The following CPA6 variants were observed in gnomAD, a reference collection of about 807,000 sequenced individuals.
CPA6 encodes carboxypeptidase A6.
CPA6 carries 58 observed loss-of-function variants against 63.3 expected under a neutral mutation model. The observed-to-expected ratio is 0.92, with a 90% CI of 0.74 to 1.14. The LOEUF is 1.14. CPA6 is among the 50% of genes most tolerant of loss of function. The pLI, the probability that CPA6 is intolerant of heterozygous loss-of-function variation, is 0.00. For missense variants in CPA6, 565 were observed against 526.6 expected (o/e 1.07, Z -0.71); for synonymous variants, 185 against 179.0 (o/e 1.03, Z -0.27).
At chr8:67,722,030 C>T (rs570285262) in intron 1 of CPA6, among the ~76,000 whole-genome samples, 11 of 152,312 alleles carry the variant, frequency 7.2e-5, no homozygotes, top group African/African-American at 2.6e-4. Flanking sequence ...TTCTGTACCT[C>T]ACTTACATTT....
intron 2 of CPA6, among the ~76,000 whole-genome samples, chr8:67,548,219 T>TCTCTCCTCCCATCCCCTCTC (rs1812864325): frequency 7.7e-6 from 1 of 130,578 alleles, no homozygotes; most frequent in Non-Finnish European, 1.6e-5. Flanking sequence ...CTTCCCCTCT[T>TCTCTCCTCCCATCCCCTCTC]CTCTCCTCCC....
chr8:67,594,530 C>T (rs535592681), intron 2 of CPA6, among the ~76,000 whole-genome samples: 33 of 152,286 alleles, frequency 2.2e-4, no homozygotes, highest in East Asian at 7.7e-4. Flanking sequence ...ACAATCAGGA[C>T]GCAGATTTGG....
intron 1 of CPA6, among the ~76,000 whole-genome samples, chr8:67,687,707 A>G (rs1323025388): frequency 6.6e-6 from 1 of 152,036 alleles, no homozygotes; most frequent in African/African-American, 2.4e-5. Flanking sequence ...TGGCTCTTTC[A>G]TTACTTATTG....
chr8:67,706,706 A>G (rs566460856), intron 1 of CPA6, among the ~76,000 whole-genome samples: 11 of 152,320 alleles, frequency 7.2e-5, no homozygotes, highest in African/African-American at 2.6e-4. Flanking sequence ...TAGAAGCACA[A>G]CATAGTTTTC....
chr8:67,518,015 A>G lies in CPA6; in HGVS notation c.225T>C (p.Tyr75=), dbSNP rs1812182011. 1 of 1,610,838 alleles carries G rather than the reference A, an allele frequency of 6.2e-7. No homozygotes were observed. Among genetic ancestry groups the G allele is most frequent in the Admixed American group, 1.7e-5 (1 of 59,144 alleles). Residue 75 remains tyrosine (Y), a synonymous_variant, in exon 3 of 11, where the codon TAT becomes TAC. Coordinates refer to ENST00000297770, the MANE Select transcript of CPA6 (RefSeq NM_020361.5). ...CATCAGTAACTGTTCCCTCTGATAC[A>G]TAGGAGATACTGCTGGGCTGCCACA... is the stretch of plus-strand genomic sequence containing the variant. ...VDLWQPSSIS[Y]VSEGTVTDVH...
intron 3 of CPA6, among the ~76,000 whole-genome samples, chr8:67,515,599 G>A (rs1812127846): frequency 6.6e-6 from 1 of 151,788 alleles, no homozygotes; most frequent in Non-Finnish European, 1.5e-5. Flanking sequence ...GCAGCGTCAT[G>A]CCACTTCTTG....
At chr8:67,642,341 A>G (rs1460646293) in intron 1 of CPA6, among the ~76,000 whole-genome samples, 1 of 152,092 alleles carries the variant, frequency 6.6e-6, no homozygotes, top group Non-Finnish European at 1.5e-5. Flanking sequence ...AATATTGATT[A>G]AAAGACATTA....
At chr8:67,659,693 T>A (rs1458874411) in intron 1 of CPA6, among the ~76,000 whole-genome samples, 1 of 152,226 alleles carries the variant, frequency 6.6e-6, no homozygotes, top group African/African-American at 2.4e-5. Context: ...GGTCCTACTC[T>A]ACATTTCAAC....
intron 1 of CPA6, among the ~76,000 whole-genome samples, chr8:67,703,935 G>T (rs75276409): frequency 0.11 from 15,158 of 132,670 alleles, 961 homozygotes; most frequent in African/African-American, 0.24. Flanking sequence ...CTTTTTTTTT[G>T]TTGTTGTTGT....
chr8:67,479,089 A>G (rs73262681), intron 8 of CPA6, among the ~76,000 whole-genome samples: 10,270 of 152,266 alleles, frequency 0.067, 813 homozygotes, highest in African/African-American at 0.19. Flanking sequence ...ATTATTTTCA[A>G]TTAATGGCCT....
intron 2 of CPA6, among the ~76,000 whole-genome samples, chr8:67,544,843 C>T (rs921254661): frequency 3.9e-5 from 6 of 152,194 alleles, no homozygotes; most frequent in African/African-American, 9.7e-5. Flanking sequence ...TTCTTACCCA[C>T]GCAGCTGCCT....
chr8:67,680,252 A>T (rs1426248901), intron 1 of CPA6, among the ~76,000 whole-genome samples: 1 of 152,148 alleles, frequency 6.6e-6, no homozygotes, highest in Non-Finnish European at 1.5e-5. Flanking sequence ...CTGTAATTCC[A>T]GCACTTTGGG....
chr8:67,540,500 G>A (rs1259716196), intron 2 of CPA6, among the ~76,000 whole-genome samples: 1 of 152,226 alleles, frequency 6.6e-6, no homozygotes, highest in Non-Finnish European at 1.5e-5. Flanking sequence ...CCCACCTGAG[G>A]AAGCAGTCTG....
chr8:67,567,019 G>C (rs2128975647), intron 2 of CPA6, among the ~76,000 whole-genome samples: 1 of 152,286 alleles, frequency 6.6e-6, no homozygotes, highest in South Asian at 2.1e-4. Flanking sequence ...CTAGCAATCT[G>C]GACTATAAGA....
chr8:67,519,915 T>G (rs1812225390), intron 2 of CPA6, among the ~76,000 whole-genome samples: 1 of 152,134 alleles, frequency 6.6e-6, no homozygotes, highest in South Asian at 2.1e-4. Flanking sequence ...CATAGTTTCT[T>G]TTTCTATTTT....
intron 8 of CPA6, among the ~76,000 whole-genome samples, chr8:67,457,073 A>G (rs1810692893): frequency 6.6e-6 from 1 of 152,254 alleles, no homozygotes; most frequent in South Asian, 2.1e-4. Flanking sequence ...TCTGGCCTCC[A>G]GAACTGTAAA....
At chr8:67,518,371 G>C (rs1162319805) in intron 2 of CPA6, among the ~76,000 whole-genome samples, 2 of 152,024 alleles carry the variant, frequency 1.3e-5, no homozygotes. Flanking sequence ...GCAAATACTT[G>C]AATAATTGTA....
At chr8:67,577,479 C>T (rs1407856771) in intron 2 of CPA6, among the ~76,000 whole-genome samples, 1 of 152,162 alleles carries the variant, frequency 6.6e-6, no homozygotes, top group Non-Finnish European at 1.5e-5. Context: ...GGAAGATTCA[C>T]TACTCCCATA....
At chr8:67,576,824 A>G (rs991987252) in intron 2 of CPA6, among the ~76,000 whole-genome samples, 1 of 151,586 alleles carries the variant, frequency 6.6e-6, no homozygotes, top group Non-Finnish European at 1.5e-5. Flanking sequence ...TGGAAGGAAC[A>G]GGTAGTATGA....
Sources: gnomAD v4.1 joint callset for allele counts (sites outside exome capture counted in the v4.1 genomes callset) on GRCh38, gnomAD v4.1.1 for gene constraint, MANE v1.5 for transcripts, NCBI Gene and HGNC (gene_info 2026-07-23, HGNC 2026-07-21) for gene names.